Variants in DLC1 observed in about 807,000 individuals in gnomAD.
DLC1 encodes the protein DLC1 Rho GTPase activating protein.
A neutral mutation model predicts 140.3 loss-of-function variants in DLC1; 54 were observed. The observed-to-expected ratio is 0.38, with a 90% CI of 0.31 to 0.48. The LOEUF is 0.48. Among genes scored for constraint, DLC1 ranks in the 20% least tolerant of loss-of-function variants. DLC1 has a pLI of 0.96. For missense variants in DLC1, 2,536 were observed against 1,907.0 expected (o/e 1.33, Z -6.14); for synonymous variants, 986 against 728.1 (o/e 1.35, Z -5.70).
intron 2 of DLC1, among the ~76,000 whole-genome samples, chr8:13,424,351 T>C (rs1386365496): frequency 2.0e-5 from 3 of 151,946 alleles, no homozygotes; most frequent in African/African-American, 7.2e-5. Flanking sequence ...TAGCCAGGTA[T>C]GGTGGTGCAC....
At chr8:13,384,727 T>G (rs1836437073) in intron 4 of DLC1, among the ~76,000 whole-genome samples, 1 of 152,140 alleles carries the variant, frequency 6.6e-6, no homozygotes, top group African/African-American at 2.4e-5. Context: ...CTAGGTTGAG[T>G]TGCTCTAATC....
chr8:13,392,228 G>A (rs1362559209), intron 4 of DLC1, among the ~76,000 whole-genome samples: 1 of 152,090 alleles, frequency 6.6e-6, no homozygotes, highest in African/African-American at 2.4e-5. Flanking sequence ...GCGTTTCACT[G>A]TTTACATACT....
At chr8:13,276,255 C>T in intron 5 of DLC1, 4 of 1,535,450 alleles carry the variant, frequency 2.6e-6, no homozygotes, top group Admixed American at 2.0e-5. Context: ...CCCCCTCTGC[C>T]TCTCACCTGC....
chr8:13,366,000 G>T (rs1157838153), intron 4 of DLC1, among the ~76,000 whole-genome samples: 1 of 152,234 alleles, frequency 6.6e-6, no homozygotes, highest in Non-Finnish European at 1.5e-5. Flanking sequence ...TAGGACTTTA[G>T]AAGGTGAAGT....
intron 5 of DLC1, among the ~76,000 whole-genome samples, chr8:13,268,249 A>C (rs1428071490): frequency 6.6e-6 from 1 of 152,238 alleles, no homozygotes; most frequent in Non-Finnish European, 1.5e-5. Flanking sequence ...AGCACTTTGG[A>C]ATGACAAGTC....
chr8:13,145,996 G>C (rs1823405070), intron 5 of DLC1, among the ~76,000 whole-genome samples: 1 of 152,030 alleles, frequency 6.6e-6, no homozygotes, highest in Non-Finnish European at 1.5e-5. Context: ...ATATACTGTA[G>C]GGCCGGGCGC....
At chr8:13,192,926 G>A (rs1478513450) in intron 5 of DLC1, among the ~76,000 whole-genome samples, 1 of 152,202 alleles carries the variant, frequency 6.6e-6, no homozygotes, top group African/African-American at 2.4e-5. Flanking sequence ...ATAAATTTCA[G>A]TTGTTTGAGC....
At chr8:13,211,390 G>A (rs527354455) in intron 5 of DLC1, among the ~76,000 whole-genome samples, 59 of 152,176 alleles carry the variant, frequency 3.9e-4, no homozygotes, top group Non-Finnish European at 7.2e-4. Flanking sequence ...GCCCTGCTCT[G>A]TCTATGGAAC....
At chr8:13,236,390 A>T (rs1235420238) in intron 5 of DLC1, among the ~76,000 whole-genome samples, 1 of 152,128 alleles carries the variant, frequency 6.6e-6, no homozygotes, top group African/African-American at 2.4e-5. Context: ...AGATGTGATT[A>T]TGAGATTCTA....
chr8:13,355,563 CT>C (rs1224677282), intron 4 of DLC1, among the ~76,000 whole-genome samples: 7 of 152,130 alleles, frequency 4.6e-5, no homozygotes, highest in African/African-American at 1.4e-4. Flanking sequence ...GACAAGAATC[CT>C]ATCAGATCAG....
intron 2 of DLC1, among the ~76,000 whole-genome samples, chr8:13,489,454 G>A: frequency 1.1e-5 from 1 of 94,042 alleles, no homozygotes; most frequent in South Asian, 3.9e-4. Flanking sequence ...CACACAAAAT[G>A]TTGCTACTAT....
intron 1 of DLC1, among the ~76,000 whole-genome samples, chr8:13,578,234 C>T (rs893229093): frequency 2.6e-5 from 4 of 152,124 alleles, no homozygotes; most frequent in Non-Finnish European, 4.4e-5. Flanking sequence ...TTTCTCTAAT[C>T]AAAGGCTATC....
chr8:13,126,751 C>T (rs188108198), intron 5 of DLC1, among the ~76,000 whole-genome samples: 3 of 152,276 alleles, frequency 2.0e-5, no homozygotes, highest in Admixed American at 2.0e-4. Flanking sequence ...CATATGTTAG[C>T]AAAGCTTATT....
intron 1 of DLC1, among the ~76,000 whole-genome samples, chr8:13,536,348 G>A (rs1044209044): frequency 2.6e-5 from 4 of 152,144 alleles, no homozygotes; most frequent in Non-Finnish European, 4.4e-5. Context: ...TAATCACAAG[G>A]TTATAATCAT....
At chr8:13,409,258 A>G (rs1239838900) in intron 2 of DLC1, among the ~76,000 whole-genome samples, 1 of 152,260 alleles carries the variant, frequency 6.6e-6, no homozygotes, top group East Asian at 1.9e-4. Flanking sequence ...TATTTCTAAC[A>G]CATATTAAAC....
chr8:13,496,790 T>C (rs1216685445), intron 2 of DLC1, among the ~76,000 whole-genome samples: 1 of 3,092 alleles, frequency 3.2e-4, no homozygotes, highest in African/African-American at 6.1e-4. Context: ...CATTTCCTTT[T>C]TTTTTTTTTT....
chr8:13,389,890 A>G (rs1030474785), intron 4 of DLC1, among the ~76,000 whole-genome samples: 1 of 152,188 alleles, frequency 6.6e-6, no homozygotes, highest in Non-Finnish European at 1.5e-5. Flanking sequence ...GGGTTAGTTC[A>G]TTATAGTTTG....
In DLC1 at chr8:13,343,082, T is replaced by A. The variant is rs111230479; in HGVS notation, c.1315-37780A>T. Among the ~76,000 whole-genome samples the A allele has an allele frequency of 2.6e-5, 4 of 152,318 alleles. 1 individual carries two copies. Among genetic ancestry groups the A allele is most frequent in the African/African-American group, 9.6e-5 (4 of 41,578 alleles). On this transcript the variant is annotated intron_variant, in intron 4 of 17. Transcript: ENST00000276297. Reference sequence around the variant, plus strand: ...TTGAAAAGCAGAGATACTTATTTGCTATATACTGCTGATATTTTTGTGAAA... The same window carrying A: ...TTGAAAAGCAGAGATACTTATTTGCAATATACTGCTGATATTTTTGTGAAA...
intron 5 of DLC1, among the ~76,000 whole-genome samples, chr8:13,130,350 T>A (rs921779201): frequency 1.1e-4 from 17 of 152,236 alleles, no homozygotes; most frequent in African/African-American, 3.9e-4. Context: ...TATACATTTT[T>A]AAACTCACTT....
Sources: gnomAD v4.1 joint callset for allele counts (sites outside exome capture counted in the v4.1 genomes callset) on GRCh38, gnomAD v4.1.1 for gene constraint, MANE v1.5 for transcripts, NCBI Gene and HGNC (gene_info 2026-07-23, HGNC 2026-07-21) for gene names.